The following NTRK2 variants were observed in gnomAD, a reference collection of about 807,000 sequenced individuals.
NTRK2 encodes neurotrophic receptor tyrosine kinase 2.
Under a neutral mutation model 94.5 loss-of-function variants are expected in NTRK2, and 13 were observed. The ratio of observed to expected loss-of-function variants is 0.14; its 90% CI spans 0.09 to 0.22. The LOEUF is 0.22. NTRK2 is among the 10% of genes least tolerant of loss of function. The pLI is 1.00. For missense variants in NTRK2, 639 were observed against 1,071.2 expected, an observed-to-expected ratio of 0.60 and a Z score of 5.63; for synonymous variants, 372 against 407.4, an observed-to-expected ratio of 0.91 and a Z score of 1.05.
chr9:84,844,341 A>G (rs914037816), intron 12 of NTRK2, among the ~76,000 whole-genome samples: 1 of 152,204 alleles, frequency 6.6e-6, no homozygotes, highest in Non-Finnish European at 1.5e-5. Context: ...TTTTGAATAA[A>G]TTAATGGGCT....
chr9:84,948,456 C>T lies in NTRK2; in HGVS notation c.1765-6C>T. 1.2e-6 allele frequency: 2 copies of T among 1,614,038 alleles called. No individual in the cohort carries two copies. Among genetic ancestry groups the T allele is most frequent in the East Asian group, 2.2e-5 (1 of 44,870 alleles). ...GTAATCCTTCTCTTTTAACACCCAT[C>T]CCCAGACCCTGAAGGATGCCAGTGA... On this transcript the variant is annotated splice_region_variant and splice_polypyrimidine_tract_variant and intron_variant, in intron 15 of 18. Coordinates refer to ENST00000277120, the MANE Select transcript of NTRK2 (RefSeq NM_006180.6).
intron 14 of NTRK2, among the ~76,000 whole-genome samples, chr9:84,869,370 A>G (rs1316846607): frequency 1.3e-5 from 2 of 152,114 alleles, no homozygotes; most frequent in Non-Finnish European, 2.9e-5. Flanking sequence ...TAGTGTCCTC[A>G]GTCACTCCAC....
intron 2 of NTRK2, among the ~76,000 whole-genome samples, chr9:84,687,793 G>A (rs1194089299): frequency 6.6e-6 from 1 of 151,802 alleles, no homozygotes; most frequent in Non-Finnish European, 1.5e-5. Context: ...TACTTTCCTG[G>A]GTCTTGGGTG....
chr9:84,916,360 G>A (rs577670149), intron 14 of NTRK2, among the ~76,000 whole-genome samples: 2 of 152,200 alleles, frequency 1.3e-5, no homozygotes, highest in South Asian at 2.1e-4. Flanking sequence ...GAAAATGTTA[G>A]TCAACAAAAA....
Position 84,876,102 on chromosome 9 carries a change from T to A in NTRK2, c.1633+8671T>A, listed in dbSNP as rs201148917. 8.1e-5 allele frequency: 84 copies of A among 1,035,860 alleles called. No individual in the cohort carries two copies. In the East Asian group the frequency reaches 3.1e-3, roughly 38 times the overall value. 64.2% of individuals were successfully genotyped at this position (1,035,860 alleles called of 1,614,324 possible). ...TGTTACTATTAATTAACACATTTTT[T>A]AACCATGCCATTGAACTTTTGGGTG... On this transcript the variant is annotated intron_variant, in intron 14 of 18. Coordinates refer to ENST00000277120, the MANE Select transcript of NTRK2 (RefSeq NM_006180.6).
At chr9:84,952,653 G>C (rs1823619787) in intron 16 of NTRK2, among the ~76,000 whole-genome samples, 1 of 152,100 alleles carries the variant, frequency 6.6e-6, no homozygotes, top group Non-Finnish European at 1.5e-5. Context: ...GCATCCAGAG[G>C]CTTATTTTAT....
At chr9:84,808,554 T>G (rs2071390088) in intron 12 of NTRK2, among the ~76,000 whole-genome samples, 1 of 152,174 alleles carries the variant, frequency 6.6e-6, no homozygotes, top group Admixed American at 6.5e-5. Flanking sequence ...AGCTAAGAAG[T>G]TTGATTTGTT....
intron 2 of NTRK2, among the ~76,000 whole-genome samples, chr9:84,700,418 G>T (rs1423012159): frequency 6.6e-6 from 1 of 152,136 alleles, no homozygotes; most frequent in Non-Finnish European, 1.5e-5. Flanking sequence ...AGAAGGGAAC[G>T]AAAGCTTCCT....
chr9:84,803,563 G>T (rs530866429), intron 12 of NTRK2, among the ~76,000 whole-genome samples: 2 of 152,278 alleles, frequency 1.3e-5, no homozygotes, highest in Admixed American at 1.3e-4. Flanking sequence ...CCCTCCGTGG[G>T]TCTGGGGATG....
chr9:84,726,954 T>A (rs1370488086), intron 8 of NTRK2, among the ~76,000 whole-genome samples: 1 of 152,212 alleles, frequency 6.6e-6, no homozygotes, highest in Non-Finnish European at 1.5e-5. Context: ...AAATAATCCC[T>A]ACTCTGTCCA....
At chr9:84,850,215 A>T (rs1478853031) in intron 12 of NTRK2, among the ~76,000 whole-genome samples, 1 of 152,060 alleles carries the variant, frequency 6.6e-6, no homozygotes. Flanking sequence ...TGGGGAAAAA[A>T]AAAACAAAAA....
intron 15 of NTRK2, among the ~76,000 whole-genome samples, chr9:84,944,207 T>TCACACA (rs1428468670): frequency 7.1e-6 from 1 of 139,946 alleles, no homozygotes; most frequent in Admixed American, 7.2e-5. Flanking sequence ...TCTCTCTCTC[T>TCACACA]CTCTCTCTCA....
intron 17 of NTRK2, among the ~76,000 whole-genome samples, chr9:84,989,343 A>G (rs1828760406): frequency 6.6e-6 from 1 of 152,092 alleles, no homozygotes; most frequent in South Asian, 2.1e-4. Context: ...TTATTCTTCC[A>G]TATATTTATA....
chr9:84,678,187 C>G (rs2059176038), intron 2 of NTRK2, among the ~76,000 whole-genome samples: 2 of 152,166 alleles, frequency 1.3e-5, no homozygotes, highest in South Asian at 4.1e-4. Context: ...TGAGAATGTG[C>G]TTCCCTAAAC....
At chr9:84,686,889 G>A (rs936993460) in intron 2 of NTRK2, among the ~76,000 whole-genome samples, 14 of 152,108 alleles carry the variant, frequency 9.2e-5, no homozygotes, top group South Asian at 2.1e-4. Flanking sequence ...TTAATAAATT[G>A]TGTTGAATAA....
intron 1 of NTRK2, 21 bp from the exon 2 acceptor site, chr9:84,670,356 C>T (rs199568649): frequency 1.3e-5 from 5 of 371,710 alleles, no homozygotes; most frequent in East Asian, 9.5e-5. Context: ...CTCAGTCTTA[C>T]GCGTGTCTGT....
intron 10 of NTRK2, 43 bp downstream of exon 10, chr9:84,741,970 T>C: frequency 6.6e-7 from 1 of 1,520,860 alleles, no homozygotes; most frequent in Non-Finnish European, 9.1e-7. Flanking sequence ...TTTCAAAATG[T>C]TTGTGTATCA....
intron 17 of NTRK2, among the ~76,000 whole-genome samples, chr9:85,000,400 C>T (rs887712870): frequency 1.3e-5 from 2 of 152,194 alleles, no homozygotes; most frequent in Admixed American, 6.5e-5. Flanking sequence ...CCTATTCATC[C>T]TTCCCTATCC....
At chr9:84,932,571 T>G (rs746123666) in intron 14 of NTRK2, among the ~76,000 whole-genome samples, 2 of 152,058 alleles carry the variant, frequency 1.3e-5, no homozygotes, top group Non-Finnish European at 2.9e-5. Context: ...CACAATCAAT[T>G]AAAAAAACAT....
Sources: allele counts gnomAD v4.1 joint callset (sites outside exome capture counted in the v4.1 genomes callset), GRCh38; gene constraint gnomAD v4.1.1; transcripts MANE v1.5; gene names NCBI Gene and HGNC (gene_info 2026-07-23, HGNC 2026-07-21).